Variants in CBFB observed in about 807,000 individuals in gnomAD.
CBFB encodes the protein core-binding factor subunit beta, also known as CBF-beta.
Under a neutral mutation model 30.4 loss-of-function variants are expected in CBFB, and 9 were observed. The ratio of observed to expected loss-of-function variants is 0.30; its 90% CI spans 0.18 to 0.52. CBFB has a LOEUF of 0.52. Among genes scored for constraint, CBFB ranks in the 20% least tolerant of loss-of-function variants. The probability of loss-of-function intolerance (pLI) is 0.97; values close to 1 mark genes in which losing one functional copy is unlikely to be tolerated. For synonymous variants in CBFB, 94 were observed against 84.0 expected (o/e 1.12, Z -0.65); for missense variants, 170 against 244.0 (o/e 0.70, Z 2.02).
At chr16:67,067,761 A>G (rs1961100624) in intron 4 of CBFB, among the ~76,000 whole-genome samples, 2 of 152,230 alleles carry the variant, frequency 1.3e-5, no homozygotes, top group Non-Finnish European at 2.9e-5. Context: ...ATCCATGCCC[A>G]GGCATATTGT....
At chr16:67,061,927 G>A (rs1290938973) in intron 3 of CBFB, among the ~76,000 whole-genome samples, 1 of 151,972 alleles carries the variant, frequency 6.6e-6, no homozygotes, top group Non-Finnish European at 1.5e-5. Context: ...AGATACTTGG[G>A]AGGCTGAGGC....
chr16:67,029,221 G>A lies in CBFB; in HGVS notation c.-187G>A. 3.5e-6 allele frequency: 1 copy of A among 286,756 alleles called. No homozygotes were observed. The highest frequency in any genetic ancestry group is 2.3e-5 in the African/African-American group (1 of 44,342). 17.8% of individuals were successfully genotyped at this position (286,756 alleles called of 1,614,324 possible). A position where few individuals can be genotyped will look rare whatever the true frequency, so the allele number is the denominator to read the frequency against. ...GCGGCGGCGGCGGCGGCGTGGGTTG[G>A]GCTCGAGCGGGCGGCGGCGCCTCAG... On this transcript the variant is annotated 5_prime_UTR_variant, in exon 1 of 6. Coordinates refer to ENST00000412916, the MANE Select transcript of CBFB (RefSeq NM_022845.3).
rs199622824 is a variant in CBFB at position 67,048,257 on chromosome 16, C to CA, written c.282+11510dup. Among the ~76,000 whole-genome samples, 45 of 151,234 alleles carry CA rather than the reference C, an allele frequency of 3.0e-4. 1 individual carries two copies. In the East Asian group the frequency reaches 5.6e-3, roughly 19 times the overall value. ...GCTCCATCTCCAAACAAACAAATAACAAAAAAAACCCCTAAAACATTTTTT... is the reference window on the plus strand; with the variant it reads ...GCTCCATCTCCAAACAAACAAATAACAAAAAAAAACCCCTAAAACATTTTTT... On this transcript the variant is annotated intron_variant, in intron 3 of 5. Transcript: ENST00000412916.
chr16:67,029,732 G>T lies in CBFB; in HGVS notation c.84G>T (p.Lys28Asn). The stretch of plus-strand genomic sequence containing the variant: ...CGGGCCGTCTTGCCTTGCAGATTAA[G>T]TACACGGGCTTCAGGGACCGGCCCC... ...FRKLSRECEI[K>N]YTGFRDRPHE... The change falls in exon 2 of 6, where the codon AAG (lysine) becomes AAT (asparagine). Residue 28 changes from lysine to asparagine, a missense_variant. Transcript: ENST00000412916. The T allele has an allele frequency of 6.3e-7, 1 of 1,594,364 alleles. No homozygotes were observed. The highest frequency in any genetic ancestry group is 8.5e-7 in the Non-Finnish European group (1 of 1,171,934).
rs2145791220 is a variant in CBFB, at chr16:67,098,835, G to A, written c.*57G>A. The A allele has an allele frequency of 1.0e-6, 1 of 991,522 alleles. No homozygotes were observed. The highest frequency in any genetic ancestry group is 1.6e-6 in the Non-Finnish European group (1 of 617,710). 61.4% of individuals were successfully genotyped at this position (991,522 alleles called of 1,614,324 possible). On this transcript the variant is annotated 3_prime_UTR_variant, in exon 6 of 6. Transcript: ENST00000412916. ...TTTACATACACATTGCTTCTAGTTG[G>A]CAGAAATAATTGATTAAAAGACCAG...
chr16:67,062,213 G>T (rs957348117), intron 3 of CBFB, among the ~76,000 whole-genome samples: 4 of 150,528 alleles, frequency 2.7e-5, no homozygotes, highest in Middle Eastern at 6.9e-3. Context: ...TTGTTGCCTA[G>T]ACTGGAGTGC....
In CBFB at chr16:67,042,500, T is replaced by C. The variant is rs966343511; in HGVS notation, c.282+5745T>C. 4.6e-5 allele frequency among the ~76,000 whole-genome samples: 7 copies of C among 152,190 alleles called. No individual in the cohort carries two copies. The East Asian group carries it at 1.2e-3, about 25-fold the overall frequency. ...TGTAGATGCTACCACAGTCAAGATA[T>C]ATTTCAGTCACCCCCCCAAAGGTTT... On this transcript the variant is annotated intron_variant, in intron 3 of 5. Coordinates refer to ENST00000412916, the MANE Select transcript of CBFB (RefSeq NM_022845.3).
intron 5 of CBFB, among the ~76,000 whole-genome samples, chr16:67,091,771 C>T (rs976188246): frequency 2.6e-5 from 4 of 152,068 alleles, no homozygotes; most frequent in African/African-American, 7.2e-5. Context: ...GTGATACATG[C>T]GCAGAATGTG....
At chr16:67,064,603 C>T (rs1323609911) in intron 3 of CBFB, among the ~76,000 whole-genome samples, 1 of 152,090 alleles carries the variant, frequency 6.6e-6, no homozygotes, top group African/African-American at 2.4e-5. Flanking sequence ...TTGTTTATCT[C>T]TATCACAATA....
chr16:67,082,589 A>C (rs1280489472), intron 5 of CBFB, among the ~76,000 whole-genome samples: 1 of 151,936 alleles, frequency 6.6e-6, no homozygotes, highest in East Asian at 1.9e-4. Flanking sequence ...TCAAAATCTC[A>C]CCTCTTTTTT....
At chr16:67,048,359 A>G (rs1567608508) in intron 3 of CBFB, among the ~76,000 whole-genome samples, 2 of 152,218 alleles carry the variant, frequency 1.3e-5, no homozygotes, top group Non-Finnish European at 2.9e-5. Context: ...ATATGAAGAA[A>G]AAAAGAAAAT....
chr16:67,080,248 G>A (rs1261861504), intron 4 of CBFB, among the ~76,000 whole-genome samples: 4 of 151,986 alleles, frequency 2.6e-5, no homozygotes, highest in Admixed American at 2.6e-4. Flanking sequence ...GTGGTAGATT[G>A]GGTTGAGGAG....
intron 4 of CBFB, among the ~76,000 whole-genome samples, chr16:67,074,248 AG>A (rs1205959193): frequency 2.2e-5 from 1 of 45,928 alleles, no homozygotes; most frequent in South Asian, 6.4e-4. Context: ...GGTGGGGGGC[AG>A]GGGGTAGGTC....
At chr16:67,037,818 G>A (rs550291953) in intron 3 of CBFB, among the ~76,000 whole-genome samples, 6 of 151,728 alleles carry the variant, frequency 4.0e-5, no homozygotes, top group African/African-American at 7.3e-5. Context: ...ACAGGTGTGC[G>A]CCACCACGCC....
chr16:67,035,808 A>G (rs908196135), intron 2 of CBFB, among the ~76,000 whole-genome samples: 1 of 152,212 alleles, frequency 6.6e-6, no homozygotes, highest in African/African-American at 2.4e-5. Context: ...ATTTTTTCAA[A>G]AATGCTTTTA....
At chr16:67,088,171 G>A (rs1230907862) in intron 5 of CBFB, among the ~76,000 whole-genome samples, 1 of 152,134 alleles carries the variant, frequency 6.6e-6, no homozygotes, top group African/African-American at 2.4e-5. Context: ...ACATGCACTG[G>A]CAATCACATA....
At chr16:67,086,057 G>A (rs182132077) in intron 5 of CBFB, among the ~76,000 whole-genome samples, 315 of 152,268 alleles carry the variant, frequency 2.1e-3, no homozygotes, top group African/African-American at 7.2e-3. Flanking sequence ...AGCAGCTGAG[G>A]ATGTCCCCAA....
chr16:67,092,912 C>T (rs781772102), intron 5 of CBFB, among the ~76,000 whole-genome samples: 1 of 151,652 alleles, frequency 6.6e-6, no homozygotes, highest in African/African-American at 2.4e-5. Flanking sequence ...GGGGTTTCAC[C>T]GTGTTGGCCA....
intron 3 of CBFB, among the ~76,000 whole-genome samples, chr16:67,053,023 GAAAAA>G (rs1031096437): frequency 6.9e-6 from 1 of 144,926 alleles, no homozygotes; most frequent in Non-Finnish European, 1.5e-5. Flanking sequence ...AAAAAAAAAA[GAAAAA>G]AAGAGAAAGA....
Sources: gnomAD v4.1 joint callset for allele counts (sites outside exome capture counted in the v4.1 genomes callset) on GRCh38, gnomAD v4.1.1 for gene constraint, MANE v1.5 for transcripts, NCBI Gene and HGNC (gene_info 2026-07-23, HGNC 2026-07-21) for gene names.